The following BPIFB1 variants were observed in gnomAD, a reference collection of about 807,000 sequenced individuals.
The protein encoded by BPIFB1 is BPI fold containing family B member 1, also known as BPI fold-containing family B member 1.
Under a neutral mutation model 55.1 loss-of-function variants are expected in BPIFB1, and 34 were observed. That is an observed-to-expected ratio of 0.62 (90% CI 0.47 to 0.82). BPIFB1 has a LOEUF of 0.82. Among genes scored for constraint, BPIFB1 ranks in the 40% least tolerant of loss-of-function variants. The probability of loss-of-function intolerance (pLI) is 0.00; values close to 1 mark genes in which losing one functional copy is unlikely to be tolerated. For missense variants in BPIFB1, 532 were observed against 593.1 expected, an observed-to-expected ratio of 0.90 and a Z score of 1.07; for synonymous variants, 236 against 245.3, an observed-to-expected ratio of 0.96 and a Z score of 0.35.
At chr20:33,285,579 G>A (rs1007829892) in intron 1 of BPIFB1, among the ~76,000 whole-genome samples, 5 of 151,546 alleles carry the variant, frequency 3.3e-5, no homozygotes, top group South Asian at 2.1e-4. Flanking sequence ...TTAGCCTGGC[G>A]CGGTGGTGGG....
chr20:33,308,829 TAC>T (rs750641578), intron 15 of BPIFB1, among the ~76,000 whole-genome samples: 54 of 117,318 alleles, frequency 4.6e-4, no homozygotes, highest in Non-Finnish European at 6.2e-4. Context: ...CACACACACA[TAC>T]ACACACACAT....
rs1336115942 is a variant in BPIFB1, at chr20:33,309,701, A to C, written c.1396-7A>C. ...CCTGTTTTCTGACTTTTCCCCTCCA[A>C]TTCCAGGATGCCCTTGTGCTTACTC... On this transcript the variant is annotated splice_polypyrimidine_tract_variant and splice_region_variant and intron_variant, in intron 15 of 15. Transcript: ENST00000253354. The surrounding 1 kb of genome is among the most constrained non-coding windows in gnomAD (Gnocchi z 4.4). The C allele has an allele frequency of 6.2e-7, 1 of 1,613,960 alleles. No individual in the cohort carries two copies. The highest frequency in any genetic ancestry group is 1.1e-5 in the South Asian group (1 of 91,062).
At position 33,299,051 on chromosome 20, in the gene BPIFB1, C is replaced by G. The variant is rs1042163341; in HGVS notation, c.662-848C>G. 1.2e-5 allele frequency: 5 copies of G among 428,518 alleles called. No individual in the cohort carries two copies. In the Admixed American group the frequency reaches 1.2e-4, roughly 10 times the overall value. 26.5% of individuals were successfully genotyped at this position (428,518 alleles called of 1,614,324 possible). ...TTTACAGGAGTCATGCTCATCGTCTCTATGTCCTTCCGATTTTAGTACATG... is the reference window on the plus strand; with the variant it reads ...TTTACAGGAGTCATGCTCATCGTCTGTATGTCCTTCCGATTTTAGTACATG... On this transcript the variant is annotated intron_variant, in intron 7 of 15. Transcript: ENST00000253354.
rs1981162238 is a variant in BPIFB1 at position 33,309,581 on chromosome 20, G to C, written c.1396-127G>C. The C allele has an allele frequency of 2.4e-6, 2 of 826,334 alleles. No individual in the cohort carries two copies. Among genetic ancestry groups the C allele is most frequent in the Non-Finnish European group, 4.0e-6 (2 of 497,748 alleles). 51.2% of individuals were successfully genotyped at this position (826,334 alleles called of 1,614,324 possible). A position where few individuals can be genotyped will look rare whatever the true frequency, so the allele number is the denominator to read the frequency against. On this transcript the variant is annotated intron_variant, in intron 15 of 15. Coordinates refer to ENST00000253354, the MANE Select transcript of BPIFB1 (RefSeq NM_033197.3). This position sits in a 1 kb window ranked among gnomAD's most constrained non-coding sequence, Gnocchi z 4.4. ...CCACCCCGACCCTTCTAAGAATTCT[G>C]TATTTGTGGGTTCAGGGTCATGGTC...
chr20:33,289,898 A>G lies in BPIFB1; in HGVS notation c.271A>G (p.Thr91Ala). 1.9e-6 allele frequency: 3 copies of G among 1,614,190 alleles called. No individual in the cohort carries two copies. The highest frequency in any genetic ancestry group is 2.5e-6 in the Non-Finnish European group (3 of 1,180,008). ...LKHIIWLKVI[T>A]ANILQLQVKP... ...AACCCCATCCAGGCTGAAGGTCATCACAGCTAACATCCTCCAGCTGCAGGT... is the reference window on the plus strand; with the variant it reads ...AACCCCATCCAGGCTGAAGGTCATCGCAGCTAACATCCTCCAGCTGCAGGT... Residue 91 changes from threonine to alanine, a missense_variant, in exon 4 of 16, where the codon ACA (threonine) becomes GCA (alanine). Thr to Ala is a moderately conservative substitution (Grantham distance 58). Transcript: ENST00000253354.
chr20:33,293,588 A>G (rs1056060027), intron 6 of BPIFB1, among the ~76,000 whole-genome samples: 8 of 152,186 alleles, frequency 5.3e-5, no homozygotes, highest in Non-Finnish European at 8.8e-5. Flanking sequence ...CTGTAATCTC[A>G]GCACTTTGGC....
chr20:33,308,727 T>TAC (rs567324915), intron 15 of BPIFB1, among the ~76,000 whole-genome samples: 1 of 150,208 alleles, frequency 6.7e-6, no homozygotes. Context: ...TACATATACA[T>TAC]ACACACACAC....
chr20:33,289,164 T>C (rs1314777303), intron 3 of BPIFB1, among the ~76,000 whole-genome samples: 5 of 152,062 alleles, frequency 3.3e-5, no homozygotes, highest in Non-Finnish European at 5.9e-5. Flanking sequence ...GTGGATCACC[T>C]GAGGTTAGGA....
At chr20:33,284,373 T>C (rs1475399051) in intron 1 of BPIFB1, among the ~76,000 whole-genome samples, 2 of 152,170 alleles carry the variant, frequency 1.3e-5, no homozygotes, top group African/African-American at 4.8e-5. Context: ...TTTCCAATTC[T>C]TTCGGGGCTT....
chr20:33,286,799 G>A (rs1244054474), intron 2 of BPIFB1, among the ~76,000 whole-genome samples: 1 of 152,220 alleles, frequency 6.6e-6, no homozygotes, highest in Non-Finnish European at 1.5e-5. Context: ...GGGCACTTTA[G>A]GATGTTTAAC....
At chr20:33,297,325 ACAAAC>A (rs745968455) in intron 6 of BPIFB1, among the ~76,000 whole-genome samples, 195 bp from the exon 7 acceptor site, 3 of 152,250 alleles carry the variant, frequency 2.0e-5, no homozygotes, top group Non-Finnish European at 2.9e-5. Context: ...AGGGAAAGGG[ACAAAC>A]CACTGCAAAA....
rs776106407 is a variant in BPIFB1, at chr20:33,290,861, G to A, written c.366-96G>A. Reference sequence around the variant, plus strand: ...GGAGAAACCAGCAAAGGAGACTGAGGAAGGAGGTGAGGGCTGGAAGACAGA... The same window carrying A: ...GGAGAAACCAGCAAAGGAGACTGAGAAAGGAGGTGAGGGCTGGAAGACAGA... On this transcript the variant is annotated intron_variant, in intron 4 of 15. Coordinates refer to ENST00000253354, the MANE Select transcript of BPIFB1 (RefSeq NM_033197.3). 61 of 1,357,770 alleles carry A rather than the reference G, an allele frequency of 4.5e-5. 1 individual carries two copies. The highest frequency in any genetic ancestry group is 5.9e-5 in the Non-Finnish European group (58 of 987,592). 84.1% of individuals were successfully genotyped at this position (1,357,770 alleles called of 1,614,324 possible). A position where few individuals can be genotyped will look rare whatever the true frequency, so the allele number is the denominator to read the frequency against.
chr20:33,288,081 T>A (rs1020791575), intron 2 of BPIFB1, among the ~76,000 whole-genome samples: 1 of 151,796 alleles, frequency 6.6e-6, no homozygotes, highest in Non-Finnish European at 1.5e-5. Context: ...GCCTGAGGGG[T>A]GAGGGAGCTG....
chr20:33,288,434 G>A (rs555552457), intron 2 of BPIFB1, among the ~76,000 whole-genome samples: 2 of 152,330 alleles, frequency 1.3e-5, no homozygotes, highest in Middle Eastern at 3.4e-3. Context: ...CTCAGGGGAT[G>A]AGTGCAGGTC....
chr20:33,296,969 G>T (rs1454177320), intron 6 of BPIFB1, among the ~76,000 whole-genome samples: 1 of 152,182 alleles, frequency 6.6e-6, no homozygotes, highest in Non-Finnish European at 1.5e-5. Context: ...TGTCACCCAG[G>T]CTGGAGTGCA....
Position 33,309,562 on chromosome 20 carries a change from C to A in BPIFB1, c.1396-146C>A, listed in dbSNP as rs949058429. On this transcript the variant is annotated intron_variant, in intron 15 of 15. Transcript: ENST00000253354. The surrounding 1 kb of genome is among the most constrained non-coding windows in gnomAD (Gnocchi z 4.4). The stretch of plus-strand genomic sequence containing the variant: ...ATGTTCACACACAGACCCTCCACCC[C>A]GACCCTTCTAAGAATTCTGTATTTG... The A allele has an allele frequency of 1.3e-5, 9 of 710,144 alleles. No individual in the cohort carries two copies. The highest frequency in any genetic ancestry group is 7.3e-5 in the Admixed American group (3 of 41,148). The allele number at this position is 710,144 out of a possible 1,614,324, so 44.0% of individuals were successfully genotyped here.
chr20:33,302,720 A>G (rs1200653496), intron 10 of BPIFB1, 196 bp from the exon 11 acceptor site: 1 of 666,346 alleles, frequency 1.5e-6, no homozygotes, highest in East Asian at 2.7e-5. Context: ...CATTCCAGAC[A>G]GAGGGAACAG....
At position 33,301,244 on chromosome 20, in the gene BPIFB1, G is replaced by A. The variant is rs550555935; in HGVS notation, c.759G>A (p.Leu253=). The A allele has an allele frequency of 1.2e-6, 2 of 1,614,060 alleles. No homozygotes were observed. Among genetic ancestry groups the A allele is most frequent in the African/African-American group, 1.3e-5 (1 of 75,048 alleles). ...CTCTGTCTCCTCAGGCCAAGTTGTT[G>A]GACTCACAGGGAAAGGTGACCAAGT... ...TIQLYLGAKL[L]DSQGKVTKWF... is the part of the protein sequence containing the mutation. The change falls in exon 9 of 16, where the codon TTG becomes TTA. Residue 253 remains leucine, a synonymous_variant. Transcript: ENST00000253354.
At chr20:33,299,337 A>G in intron 7 of BPIFB1, 1 of 373,772 alleles carries the variant, frequency 2.7e-6, no homozygotes, top group Non-Finnish European at 5.4e-6. Context: ...TGACGCGAAC[A>G]CGAGATCTTT....
Sources: allele counts gnomAD v4.1 joint callset (sites outside exome capture counted in the v4.1 genomes callset), GRCh38; gene constraint gnomAD v4.1.1; non-coding constraint Gnocchi (gnomAD v3.1); transcripts MANE v1.5; gene names NCBI Gene and HGNC (gene_info 2026-07-23, HGNC 2026-07-21).